ABLIM2: variants seen among roughly 807,000 people sequenced by gnomAD.
The protein encoded by ABLIM2 is actin binding LIM protein family member 2.
Under a neutral mutation model 97.7 loss-of-function variants are expected in ABLIM2, and 53 were observed. The observed-to-expected ratio is 0.54, with a 90% CI of 0.44 to 0.68. The LOEUF (loss-of-function observed/expected upper bound fraction) is 0.68, where lower values mean the gene tolerates loss of function less well. Ranked by LOEUF, ABLIM2 falls within the 30% of genes least tolerant of loss-of-function variation. ABLIM2 has a pLI of 0.00. For synonymous variants in ABLIM2, 361 were observed against 345.8 expected, an observed-to-expected ratio of 1.04 and a Z score of -0.49; for missense variants, 835 against 867.2, an observed-to-expected ratio of 0.96 and a Z score of 0.47.
intron 4 of ABLIM2, among the ~76,000 whole-genome samples, chr4:8,081,648 G>A (rs1318323716): frequency 6.6e-6 from 1 of 152,228 alleles, no homozygotes; most frequent in Non-Finnish European, 1.5e-5. Flanking sequence ...ATGTGGATGT[G>A]TCTTATGGGA....
chr4:8,029,084 G>T (rs1315383896), intron 11 of ABLIM2, among the ~76,000 whole-genome samples: 1 of 151,844 alleles, frequency 6.6e-6, no homozygotes, highest in Non-Finnish European at 1.5e-5. Context: ...CCAGGCAGGG[G>T]ACAAGGTGAC....
chr4:8,129,515 GAC>G (rs1849058461), intron 1 of ABLIM2, among the ~76,000 whole-genome samples: 2 of 152,238 alleles, frequency 1.3e-5, no homozygotes, highest in South Asian at 4.1e-4. Context: ...ATAAGACTAA[GAC>G]ACGCTGTAAG....
In ABLIM2 at chr4:8,044,516, A is replaced by G. The variant is rs1022432037; in HGVS notation, c.900+648T>C. The stretch of plus-strand genomic sequence containing the variant: ...ATATACAATATTAAATGTATTAAAT[A>G]TTAAATAGAATAATCTCCCATCTCG... On this transcript the variant is annotated intron_variant, in intron 9 of 20. Coordinates refer to ENST00000447017, the MANE Select transcript of ABLIM2 (RefSeq NM_001130083.2). This position sits in a 1 kb window ranked among gnomAD's most constrained non-coding sequence, Gnocchi z 4.4. 2.0e-5 allele frequency among the ~76,000 whole-genome samples: 3 copies of G among 152,006 alleles called. No individual in the cohort carries two copies. The highest frequency in any genetic ancestry group is 1.9e-4 in the East Asian group (1 of 5,198).
At chr4:8,096,540 C>T (rs1243228356) in intron 3 of ABLIM2, among the ~76,000 whole-genome samples, 1 of 152,238 alleles carries the variant, frequency 6.6e-6, no homozygotes, top group Non-Finnish European at 1.5e-5. Flanking sequence ...CCATTTCTGT[C>T]TCCGGCACAC....
chr4:8,134,768 T>G (rs969839297), intron 1 of ABLIM2, among the ~76,000 whole-genome samples: 2 of 152,208 alleles, frequency 1.3e-5, no homozygotes, highest in African/African-American at 4.8e-5. Flanking sequence ...CTTGTGCCCT[T>G]TTGGTACAGG....
chr4:8,088,243 TTCCCGTTGAAGG>T lies in ABLIM2; in HGVS notation c.368_379del (p.Thr123_Gly126del). 6.2e-7 allele frequency: 1 copy of T among 1,612,650 alleles called. No homozygotes were observed. Among genetic ancestry groups the T allele is most frequent in the South Asian group, 1.1e-5 (1 of 90,978 alleles). ...GGAACACTTCTGGCACATGCATTCC[TTCCCGTTGAAGG>T]TCACTCGGTCCCCGGGGGGGAAGGG... On this transcript the variant is annotated inframe_deletion, in exon 4 of 21. Transcript: ENST00000447017.
intron 10 of ABLIM2, among the ~76,000 whole-genome samples, chr4:8,030,780 T>C (rs531103975): frequency 4.3e-4 from 66 of 152,332 alleles, no homozygotes; most frequent in Non-Finnish European, 9.0e-4. Flanking sequence ...TTGTTCAGCT[T>C]GGACTCAGGG....
rs1202370788 is a variant in ABLIM2, at chr4:8,155,293, TC to T, written c.10+3386del. 2.0e-5 allele frequency among the ~76,000 whole-genome samples: 3 copies of T among 152,212 alleles called. No individual in the cohort carries two copies. Among genetic ancestry groups the T allele is most frequent in the African/African-American group, 7.2e-5 (3 of 41,458 alleles). The stretch of plus-strand genomic sequence containing the variant: ...TTTCTGTGGCTACATCATTGCCCAT[TC>T]TTGGATTAGGTGAAGAAATGTGTCT... On this transcript the variant is annotated intron_variant, in intron 1 of 20. Transcript: ENST00000447017. This position sits in a 1 kb window ranked among gnomAD's most constrained non-coding sequence, Gnocchi z 4.2.
chr4:8,005,659 G>A lies in ABLIM2; in HGVS notation c.1618+2400C>T, dbSNP rs73214086. On this transcript the variant is annotated intron_variant, in intron 16 of 20. Transcript: ENST00000447017. The surrounding 1 kb of genome is among the most constrained non-coding windows in gnomAD (Gnocchi z 4.9). Reference sequence around the variant, plus strand: ...AGGCTCACCTGATCCAGGCACAGCCGGCAGTCTGGGTCCTCGCTGCCATTT... The same window carrying A: ...AGGCTCACCTGATCCAGGCACAGCCAGCAGTCTGGGTCCTCGCTGCCATTT... 2.0e-5 allele frequency among the ~76,000 whole-genome samples: 3 copies of A among 152,318 alleles called. No individual in the cohort carries two copies. The highest frequency in any genetic ancestry group is 4.8e-5 in the African/African-American group (2 of 41,570).
At chr4:8,093,321 T>C (rs1234170589) in intron 3 of ABLIM2, among the ~76,000 whole-genome samples, 2 of 152,248 alleles carry the variant, frequency 1.3e-5, no homozygotes, top group Non-Finnish European at 2.9e-5. Flanking sequence ...GATGGCTTGC[T>C]TTTGCAGTTT....
chr4:7,998,687 G>T lies in ABLIM2; in HGVS notation c.1619-5760C>A. On this transcript the variant is annotated intron_variant, in intron 16 of 20. Coordinates refer to ENST00000447017, the MANE Select transcript of ABLIM2 (RefSeq NM_001130083.2). The surrounding 1 kb of genome is among the most constrained non-coding windows in gnomAD (Gnocchi z 6.4). ...TTTGCCACCACATGGGAGGCTGGGA[G>T]TCTGCAGGTCTGGGCCACCTCCTGC... 2.0e-6 allele frequency: 1 copy of T among 507,676 alleles called. No individual in the cohort carries two copies. The highest frequency in any genetic ancestry group is 2.0e-5 in the Admixed American group (1 of 50,276). The allele number at this position is 507,676 out of a possible 1,614,324, so 31.4% of individuals were successfully genotyped here.
At chr4:8,060,818 C>T in intron 7 of ABLIM2, 149 bp downstream of exon 7, 1 of 645,580 alleles carries the variant, frequency 1.5e-6, no homozygotes, top group Admixed American at 2.3e-5. Context: ...TGCCACCGCC[C>T]TGCCCTGCCG....
intron 4 of ABLIM2, among the ~76,000 whole-genome samples, chr4:8,084,558 C>A (rs1822084052): frequency 6.6e-6 from 1 of 152,214 alleles, no homozygotes; most frequent in Non-Finnish European, 1.5e-5. Context: ...GACCCCAAAG[C>A]CCCATTCCTG....
intron 20 of ABLIM2, among the ~76,000 whole-genome samples, chr4:7,978,317 G>A (rs1735196259): frequency 6.6e-6 from 1 of 152,164 alleles, no homozygotes; most frequent in South Asian, 2.1e-4. Context: ...GAGGACTAGG[G>A]TCGCACCCTT....
At position 8,002,233 on chromosome 4, in the gene ABLIM2, G is replaced by A. The variant is rs1206249481; in HGVS notation, c.1618+5826C>T. 6.6e-6 allele frequency among the ~76,000 whole-genome samples: 1 copy of A among 152,080 alleles called. No individual in the cohort carries two copies. Among genetic ancestry groups the A allele is most frequent in the Non-Finnish European group, 1.5e-5 (1 of 68,018 alleles). On this transcript the variant is annotated intron_variant, in intron 16 of 20. Transcript: ENST00000447017. This position sits in a 1 kb window ranked among gnomAD's most constrained non-coding sequence, Gnocchi z 6.1. ...CCTGGCAACCCCCCGGACGTCTCAGGCTCTCCAAGCCAACATGAAGACACC... is the reference window on the plus strand; with the variant it reads ...CCTGGCAACCCCCCGGACGTCTCAGACTCTCCAAGCCAACATGAAGACACC...
chr4:8,007,251 C>T (rs1039822175), intron 16 of ABLIM2: 2 of 985,414 alleles, frequency 2.0e-6, no homozygotes, highest in Middle Eastern at 5.2e-4. Context: ...TCTCCTAACA[C>T]CTGGCGCCCA....
At chr4:7,985,639 C>T (rs1342921204) in intron 17 of ABLIM2, among the ~76,000 whole-genome samples, 1 of 152,168 alleles carries the variant, frequency 6.6e-6, no homozygotes, top group African/African-American at 2.4e-5. Context: ...AGCCCCGTGT[C>T]TGTAAGGCCC....
At chr4:7,968,830 G>C in intron 20 of ABLIM2, among the ~76,000 whole-genome samples, 1 of 152,194 alleles carries the variant, frequency 6.6e-6, no homozygotes, top group Middle Eastern at 3.2e-3. Flanking sequence ...GAACTGTACT[G>C]AATGGTACAC....
intron 1 of ABLIM2, among the ~76,000 whole-genome samples, chr4:8,107,594 TG>T (rs752611629): frequency 2.8e-4 from 42 of 152,158 alleles, no homozygotes; most frequent in Non-Finnish European, 4.6e-4. Context: ...AGTGCTGGCC[TG>T]TGAGAGTGAA....
Sources: allele counts gnomAD v4.1 joint callset (sites outside exome capture counted in the v4.1 genomes callset), GRCh38; gene constraint gnomAD v4.1.1; non-coding constraint Gnocchi (gnomAD v3.1); transcripts MANE v1.5; gene names NCBI Gene and HGNC (gene_info 2026-07-23, HGNC 2026-07-21).